Variants in DROSHA observed in about 807,000 individuals in gnomAD.
DROSHA encodes the protein drosha ribonuclease III.
A neutral mutation model predicts 181.9 loss-of-function variants in DROSHA; 56 were observed. The ratio of observed to expected loss-of-function variants is 0.31; its 90% CI spans 0.25 to 0.38. The LOEUF (loss-of-function observed/expected upper bound fraction) is 0.38. Ranked by LOEUF, DROSHA falls within the 10% of genes least tolerant of loss-of-function variation. The probability of loss-of-function intolerance (pLI) is 1.00; values close to 1 mark genes in which losing one functional copy is unlikely to be tolerated. For synonymous variants in DROSHA, 524 were observed against 591.2 expected (o/e 0.89, Z 1.65); for missense variants, 1,218 against 1,743.5 (o/e 0.70, Z 5.37).
Position 31,501,222 on chromosome 5 carries a change from A to G in DROSHA, c.1668+3333T>C, listed in dbSNP as rs141022175. Among the ~76,000 whole-genome samples, 11 of 152,274 alleles carry G rather than the reference A, an allele frequency of 7.2e-5. No homozygotes were observed. The East Asian group carries it at 2.1e-3, about 29-fold the overall frequency. ...TCATTGATACTTGGAGACTGGATAC[A>G]TCACTGTGGTGCCCCAGTTAGAGTA... On this transcript the variant is annotated intron_variant, in intron 11 of 35. Coordinates refer to ENST00000344624, the MANE Select transcript of DROSHA (RefSeq NM_001382508.1).
chr5:31,443,524 A>G (rs1745899909), intron 23 of DROSHA, among the ~76,000 whole-genome samples: 1 of 152,160 alleles, frequency 6.6e-6, no homozygotes, highest in East Asian at 1.9e-4. Flanking sequence ...AGTTCATCAC[A>G]ATTTGCATGA....
chr5:31,423,445 G>A (rs1743029411), intron 28 of DROSHA: 1 of 152,902 alleles, frequency 6.5e-6, no homozygotes, highest in Admixed American at 6.5e-5. Flanking sequence ...AAAAACTACT[G>A]CATTAAAGTA....
At chr5:31,476,436 A>G (rs775258264) in intron 16 of DROSHA, among the ~76,000 whole-genome samples, 14 of 152,226 alleles carry the variant, frequency 9.2e-5, no homozygotes, top group Non-Finnish European at 1.9e-4. Context: ...TTTAGGTACA[A>G]CGCTAATGAT....
chr5:31,427,374 A>G (rs1221852027), intron 27 of DROSHA, among the ~76,000 whole-genome samples: 1 of 152,186 alleles, frequency 6.6e-6, no homozygotes, highest in African/African-American at 2.4e-5. Context: ...AACCAGCAAA[A>G]CTGGGGCTGA....
rs1561283913 is a variant in DROSHA at position 31,515,506 on chromosome 5, C to T, written c.1006G>A (p.Glu336Lys). 2 of 1,509,502 alleles carry T rather than the reference C, an allele frequency of 1.3e-6. No homozygotes were observed. Among genetic ancestry groups the T allele is most frequent in the Non-Finnish European group, 1.8e-6 (2 of 1,108,104 alleles). 93.5% of individuals were successfully genotyped at this position (1,509,502 alleles called of 1,614,324 possible). Residue 336 changes from glutamate (E) to lysine (K), a missense_variant, in exon 7 of 36, where the codon GAG becomes AAG. Around this residue, in one of 8 missense-constraint regions of DROSHA, gnomAD observed 536 missense variants for 535.4 expected, o/e 1.00. Coordinates refer to ENST00000344624, the MANE Select transcript of DROSHA (RefSeq NM_001382508.1). The part of the protein sequence containing the change: ...PAGCTPELPG[E>K]IIKNTDSWAP... ...CAAGAATCTGTATTTTTAATAATCT[C>T]CCCAGGTAATTCTGGTGTGCATCCA... is the stretch of plus-strand genomic sequence containing the variant.
At chr5:31,454,269 C>CA (rs146907468) in intron 20 of DROSHA, among the ~76,000 whole-genome samples, 1 of 151,892 alleles carries the variant, frequency 6.6e-6, no homozygotes, top group African/African-American at 2.4e-5. Context: ...ACTGAAAACA[C>CA]AAAAAAACAA....
Position 31,515,986 on chromosome 5 carries a change from T to G in DROSHA, c.948-422A>C, listed in dbSNP as rs376181570. Among the ~76,000 whole-genome samples, 315 of 152,320 alleles carry G rather than the reference T, an allele frequency of 2.1e-3. 2 individuals carry two copies. The highest frequency in any genetic ancestry group is 7.1e-3 in the African/African-American group (296 of 41,584). On this transcript the variant is annotated intron_variant, in intron 6 of 35. Transcript: ENST00000344624. ...AACCTATAGGGTCAGCTGGGCGTGG[T>G]GGCTCACATCTGTAATCCCAGCACT...
chr5:31,484,272 G>A (rs983924391), intron 15 of DROSHA, among the ~76,000 whole-genome samples: 3 of 151,122 alleles, frequency 2.0e-5, no homozygotes, highest in African/African-American at 7.3e-5. Flanking sequence ...TACTCGGGAG[G>A]CTGAGGCAGG....
intron 11 of DROSHA, among the ~76,000 whole-genome samples, chr5:31,504,175 T>C (rs1295749816): frequency 6.6e-6 from 1 of 152,062 alleles, no homozygotes; most frequent in Non-Finnish European, 1.5e-5. Flanking sequence ...AAGGACAGAC[T>C]AACAGAGAGA....
intron 6 of DROSHA, among the ~76,000 whole-genome samples, chr5:31,516,788 AT>A (rs768221691): frequency 4.5e-4 from 69 of 152,202 alleles, no homozygotes; most frequent in Non-Finnish European, 8.5e-4. Flanking sequence ...TATTTGGAGC[AT>A]TTTTAATAGG....
intron 30 of DROSHA, among the ~76,000 whole-genome samples, chr5:31,415,525 T>C (rs1580002140): frequency 6.6e-6 from 1 of 152,248 alleles, no homozygotes; most frequent in East Asian, 1.9e-4. Context: ...TTTGTCTGAA[T>C]GATTTATGCT....
At chr5:31,431,396 T>G (rs1057497785) in intron 26 of DROSHA, among the ~76,000 whole-genome samples, 180 bp downstream of exon 26, 1 of 120,146 alleles carries the variant, frequency 8.3e-6, no homozygotes, top group Non-Finnish European at 1.7e-5. Flanking sequence ...AAAAGAGGCA[T>G]GTTCACTGCT....
intron 14 of DROSHA, 39 bp downstream of exon 14, chr5:31,486,452 A>C (rs1267845277): frequency 6.2e-7 from 1 of 1,602,286 alleles, no homozygotes; most frequent in African/African-American, 1.4e-5. Context: ...CAAGCAAAAG[A>C]GCAAACTACA....
intron 23 of DROSHA, among the ~76,000 whole-genome samples, chr5:31,448,119 A>G (rs964000620): frequency 2.0e-5 from 3 of 152,254 alleles, no homozygotes; most frequent in African/African-American, 7.2e-5. Context: ...TTAACTGATG[A>G]ACAGATACAT....
At chr5:31,430,418 G>A (rs1376399038) in intron 26 of DROSHA, among the ~76,000 whole-genome samples, 1 of 152,162 alleles carries the variant, frequency 6.6e-6, no homozygotes, top group Non-Finnish European at 1.5e-5. Context: ...TAGTTGATTT[G>A]GGGGGACAGC....
intron 16 of DROSHA, among the ~76,000 whole-genome samples, chr5:31,473,664 C>T (rs1460677946): frequency 6.6e-6 from 1 of 152,098 alleles, no homozygotes. Context: ...GGACAAGGAA[C>T]TAGAGTTGTA....
In DROSHA at chr5:31,449,255, C is replaced by A. The variant is rs745921361; in HGVS notation, c.2821+26G>T. ...AAAACACAGGCCAAAATAGGAGATT[C>A]ACATCTTAAAATCATCCAGACATAC... is the stretch of plus-strand genomic sequence containing the variant. On this transcript the variant is annotated intron_variant, in intron 22 of 35. Coordinates refer to ENST00000344624, the MANE Select transcript of DROSHA (RefSeq NM_001382508.1). 5.0e-6 allele frequency: 8 copies of A among 1,611,448 alleles called. No individual in the cohort carries two copies. The South Asian group carries it at 7.7e-5, about 16-fold the overall frequency.
At chr5:31,529,601 G>C (rs7701966) in intron 3 of DROSHA, among the ~76,000 whole-genome samples, 69,339 of 151,728 alleles carry the variant, frequency 0.46, 16,524 homozygotes, top group East Asian at 0.6. Flanking sequence ...CGGGCGTGGT[G>C]GTGGGCGCCT....
rs113401655 is a variant in DROSHA at position 31,448,105 on chromosome 5, C to T, written c.2882+442G>A. Among the ~76,000 whole-genome samples the T allele has an allele frequency of 3.7e-3, 564 of 152,254 alleles. 4 individuals are homozygous for T. The highest frequency in any genetic ancestry group is 3.0e-3 in the Non-Finnish European group (206 of 68,012). ...CCAAAAAGTGGAAACAATCCATGTGCCCATTAACTGATGAACAGATACATA... is the reference window on the plus strand; with the variant it reads ...CCAAAAAGTGGAAACAATCCATGTGTCCATTAACTGATGAACAGATACATA... On this transcript the variant is annotated intron_variant, in intron 23 of 35. Coordinates refer to ENST00000344624, the MANE Select transcript of DROSHA (RefSeq NM_001382508.1).
Sources: allele counts gnomAD v4.1 joint callset (sites outside exome capture counted in the v4.1 genomes callset), GRCh38; gene constraint gnomAD v4.1.1; regional missense constraint gnomAD v4.1.1; transcripts MANE v1.5; gene names NCBI Gene and HGNC (gene_info 2026-07-23, HGNC 2026-07-21).